Variants in SLC38A10 observed in about 807,000 individuals in gnomAD.
The protein encoded by SLC38A10 is solute carrier family 38 member 10.
SLC38A10 carries 53 observed loss-of-function variants against 81.0 expected under a neutral mutation model. The observed-to-expected ratio is 0.65, with a 90% CI of 0.53 to 0.82. The LOEUF (loss-of-function observed/expected upper bound fraction) is 0.82, where lower values mean the gene tolerates loss of function less well. Ranked by LOEUF, SLC38A10 falls within the 40% of genes least tolerant of loss-of-function variation. The pLI, the probability that SLC38A10 is intolerant of heterozygous loss-of-function variation, is 0.00. For synonymous variants in SLC38A10, 665 were observed against 655.3 expected (o/e 1.01, Z -0.23); for missense variants, 1,471 against 1,545.0 (o/e 0.95, Z 0.80).
chr17:81,259,688 G>A (rs1383766030), intron 11 of SLC38A10, among the ~76,000 whole-genome samples: 4 of 152,076 alleles, frequency 2.6e-5, no homozygotes, highest in South Asian at 2.1e-4. Flanking sequence ...GTTATGGGGC[G>A]CTGCGGCCGG....
At chr17:81,292,466 A>T (rs926993980) in intron 1 of SLC38A10, among the ~76,000 whole-genome samples, 4 of 152,122 alleles carry the variant, frequency 2.6e-5, no homozygotes, top group Admixed American at 1.3e-4. Flanking sequence ...AAACAAAAAA[A>T]AAAACACTAA....
chr17:81,281,569 G>T lies in SLC38A10; in HGVS notation c.501+620C>A, dbSNP rs537067739. Among the ~76,000 whole-genome samples, 1 of 152,272 alleles carries T rather than the reference G, an allele frequency of 6.6e-6. No homozygotes were observed. Among genetic ancestry groups the T allele is most frequent in the African/African-American group, 2.4e-5 (1 of 41,534 alleles). On this transcript the variant is annotated intron_variant, in intron 5 of 15. Coordinates refer to ENST00000374759, the MANE Select transcript of SLC38A10 (RefSeq NM_001037984.3). The surrounding 1 kb of genome is among the most constrained non-coding windows in gnomAD (Gnocchi z 5.3). ...AGGCGGGTGGGTAACAAGGTCAGGA[G>T]TTCGAGACCAGCCTGGCCAAGATGG...
Position 81,276,252 on chromosome 17 carries a change from C to A in SLC38A10, c.730-101G>T. ...ATGGGGGGGACCTGTGCCCTGCCCC[C>A]CAGAATGGCCTTCAATCCACTTCAT... On this transcript the variant is annotated intron_variant, in intron 7 of 15. Coordinates refer to ENST00000374759, the MANE Select transcript of SLC38A10 (RefSeq NM_001037984.3). The surrounding 1 kb of genome is among the most constrained non-coding windows in gnomAD (Gnocchi z 4.7). 9.1e-7 allele frequency: 1 copy of A among 1,104,096 alleles called. No individual in the cohort carries two copies. Among genetic ancestry groups the A allele is most frequent in the Non-Finnish European group, 1.2e-6 (1 of 800,548 alleles). 68.4% of individuals were successfully genotyped at this position (1,104,096 alleles called of 1,614,324 possible).
intron 1 of SLC38A10, among the ~76,000 whole-genome samples, chr17:81,291,178 A>C (rs2063307284): frequency 6.6e-6 from 1 of 151,558 alleles, no homozygotes; most frequent in African/African-American, 2.4e-5. Context: ...TAGACTTAAA[A>C]CTGCTCAAAC....
Position 81,283,031 on chromosome 17 carries a change from G to T in SLC38A10, c.357+378C>A, listed in dbSNP as rs138304056. ...GGCTACCCCAAGGTCCCTGCAAGAAGTGCTGAGTCCACAGCCCCCAGAAGC... is the reference window on the plus strand; with the variant it reads ...GGCTACCCCAAGGTCCCTGCAAGAATTGCTGAGTCCACAGCCCCCAGAAGC... On this transcript the variant is annotated intron_variant, in intron 4 of 15. Transcript: ENST00000374759. This position sits in a 1 kb window ranked among gnomAD's most constrained non-coding sequence, Gnocchi z 4.7. Among the ~76,000 whole-genome samples, 1 of 152,146 alleles carries T rather than the reference G, an allele frequency of 6.6e-6. No homozygotes were observed. The highest frequency in any genetic ancestry group is 1.5e-5 in the Non-Finnish European group (1 of 68,026).
In SLC38A10 at chr17:81,270,039, A is replaced by G. The variant is rs1405085436; in HGVS notation, c.1131+879T>C. Among the ~76,000 whole-genome samples, 1 of 152,218 alleles carries G rather than the reference A, an allele frequency of 6.6e-6. No individual in the cohort carries two copies. Among genetic ancestry groups the G allele is most frequent in the Admixed American group, 6.5e-5 (1 of 15,280 alleles). ...ACTCCATAAAAAGTGAGCAAAGAAC[A>G]CAAGCAGTTCACAGAAAAAGAAACG... On this transcript the variant is annotated intron_variant, in intron 10 of 15. Transcript: ENST00000374759. This position sits in a 1 kb window ranked among gnomAD's most constrained non-coding sequence, Gnocchi z 4.0.
In SLC38A10 at chr17:81,283,646, C is replaced by T; in HGVS notation, c.264-144G>A. On this transcript the variant is annotated intron_variant, in intron 3 of 15. Transcript: ENST00000374759. The surrounding 1 kb of genome is among the most constrained non-coding windows in gnomAD (Gnocchi z 4.7). ...TTTTTTTTTTTGAAACAGAGTCTCA[C>T]TCTGTCGCCCAGGCTGGAGTGCAAT... The T allele has an allele frequency of 1.8e-6, 1 of 548,732 alleles. No homozygotes were observed. 34.0% of individuals were successfully genotyped at this position (548,732 alleles called of 1,614,324 possible).
In SLC38A10 at chr17:81,282,336, C is replaced by A; in HGVS notation, c.358-4G>T. On this transcript the variant is annotated splice_polypyrimidine_tract_variant and splice_region_variant and intron_variant, in intron 4 of 15. Transcript: ENST00000374759. ...ACATGCGGAAGGTGCCGCCCACCTG[C>A]GGGGAGCCGGCAGGGGGTCTTGGCC... 6.2e-7 allele frequency: 1 copy of A among 1,605,620 alleles called. No homozygotes were observed. The highest frequency in any genetic ancestry group is 8.5e-7 in the Non-Finnish European group (1 of 1,176,424).
In SLC38A10 at chr17:81,251,529, G is replaced by A. The variant is rs530966331; in HGVS notation, c.2029C>T (p.Arg677Ter). ...PEPREQRDVE[R>*]AGGNQAASQL... is the part of the protein sequence containing the mutation. ...CTGGCCGCCTGGTTTCCACCCGCTCGCTCCACGTCCCTCTGCTCGCGAGGC... is the reference window on the plus strand; with the variant it reads ...CTGGCCGCCTGGTTTCCACCCGCTCACTCCACGTCCCTCTGCTCGCGAGGC... The change falls in exon 14 of 16, where the codon CGA becomes TGA. Residue 677 changes from arginine to a stop codon, truncating the protein, a stop_gained. Coordinates refer to ENST00000374759, the MANE Select transcript of SLC38A10 (RefSeq NM_001037984.3). LOFTEE classifies it high-confidence loss of function. The A allele has an allele frequency of 2.3e-5, 37 of 1,582,428 alleles. No homozygotes were observed. In the South Asian group the frequency reaches 2.4e-4, roughly 10 times the overall value.
chr17:81,248,246 C>T (rs926599043), intron 14 of SLC38A10, among the ~76,000 whole-genome samples: 2 of 152,186 alleles, frequency 1.3e-5, no homozygotes, highest in Admixed American at 6.5e-5. Context: ...CATGAGCCAC[C>T]GCACCCGGCC....
intron 10 of SLC38A10, among the ~76,000 whole-genome samples, chr17:81,269,563 T>G (rs2063097083): frequency 6.6e-6 from 1 of 151,990 alleles, no homozygotes; most frequent in Non-Finnish European, 1.5e-5. Flanking sequence ...GCAAGATCAT[T>G]CCAGAATGCC....
chr17:81,283,617 C>CTT lies in SLC38A10; in HGVS notation c.264-117_264-116dup, dbSNP rs111438281. On this transcript the variant is annotated intron_variant, in intron 3 of 15. Transcript: ENST00000374759. This position sits in a 1 kb window ranked among gnomAD's most constrained non-coding sequence, Gnocchi z 4.7. ...GAATGACAGATGTGATTTCTTTTTTCTTTTTTTTTTTTTTGAAACAGAGTC... is the reference window on the plus strand; with the variant it reads ...GAATGACAGATGTGATTTCTTTTTTCTTTTTTTTTTTTTTTTGAAACAGAGTC... The CTT allele has an allele frequency of 4.9e-3, 2,508 of 515,708 alleles. No homozygotes were observed. The highest frequency in any genetic ancestry group is 6.4e-3 in the Non-Finnish European group (1,914 of 299,954). 31.9% of individuals were successfully genotyped at this position (515,708 alleles called of 1,614,324 possible). A position where few individuals can be genotyped will look rare whatever the true frequency, so the allele number is the denominator to read the frequency against.
At position 81,253,655 on chromosome 17, in the gene SLC38A10, CCAT is replaced by C. The variant is rs1359315177; in HGVS notation, c.1289-418_1289-416del. Reference sequence around the variant, plus strand: ...TCCATCCCTACCACCATCAACATCACCATCATCACCATCATCTCCATCCCTACC... The same window carrying C: ...TCCATCCCTACCACCATCAACATCACCATCACCATCATCTCCATCCCTACC... On this transcript the variant is annotated intron_variant, in intron 11 of 15. Coordinates refer to ENST00000374759, the MANE Select transcript of SLC38A10 (RefSeq NM_001037984.3). This position sits in a 1 kb window ranked among gnomAD's most constrained non-coding sequence, Gnocchi z 4.1. Among the ~76,000 whole-genome samples, 5 of 146,928 alleles carry C rather than the reference CCAT, an allele frequency of 3.4e-5. No individual in the cohort carries two copies. The highest frequency in any genetic ancestry group is 2.1e-4 in the South Asian group (1 of 4,696).
chr17:81,280,162 T>G (rs1038049376), intron 6 of SLC38A10: 2 of 454,364 alleles, frequency 4.4e-6, no homozygotes, highest in Admixed American at 4.7e-5. Flanking sequence ...TACAGAGCCC[T>G]GCGTGCCAGA....
chr17:81,290,769 A>C (rs995437158), intron 1 of SLC38A10, among the ~76,000 whole-genome samples: 1 of 152,272 alleles, frequency 6.6e-6, no homozygotes, highest in Admixed American at 6.5e-5. Flanking sequence ...GCACTTTGGG[A>C]GGCCGAGGTG....
At chr17:81,260,530 G>A in intron 10 of SLC38A10, 136 bp from the exon 11 acceptor site, 1 of 1,220,366 alleles carries the variant, frequency 8.2e-7, no homozygotes, top group Non-Finnish European at 1.1e-6. Flanking sequence ...GTCCCCCGAG[G>A]ACGGGACAGG....
chr17:81,253,842 CACCACCATCTCCATCCCT>C lies in SLC38A10; in HGVS notation c.1289-620_1289-603del, dbSNP rs2062946690. ...CCATCATCACCATCACCGCTATCAT[CACCACCATCTCCATCCCT>C]ACCACCATCACCATCATCATCACCA... On this transcript the variant is annotated intron_variant, in intron 11 of 15. Transcript: ENST00000374759. This position sits in a 1 kb window ranked among gnomAD's most constrained non-coding sequence, Gnocchi z 4.1. 6.6e-6 allele frequency among the ~76,000 whole-genome samples: 1 copy of C among 151,494 alleles called. No homozygotes were observed. Among genetic ancestry groups the C allele is most frequent in the Non-Finnish European group, 1.5e-5 (1 of 67,892 alleles).
intron 1 of SLC38A10, among the ~76,000 whole-genome samples, chr17:81,293,719 A>G (rs2063327487): frequency 3.3e-5 from 5 of 152,348 alleles, no homozygotes; most frequent in Middle Eastern, 3.4e-3. Flanking sequence ...TATTCCAAAG[A>G]TAATGAATAT....
chr17:81,267,079 CATGCA>C (rs1179573823), intron 10 of SLC38A10, among the ~76,000 whole-genome samples: 1 of 152,134 alleles, frequency 6.6e-6, no homozygotes. Flanking sequence ...ATGCAACTAA[CATGCA>C]ACTAACACAG....
Sources: allele counts gnomAD v4.1 joint callset (sites outside exome capture counted in the v4.1 genomes callset), GRCh38; gene constraint gnomAD v4.1.1; non-coding constraint Gnocchi (gnomAD v3.1); transcripts MANE v1.5; gene names NCBI Gene and HGNC (gene_info 2026-07-23, HGNC 2026-07-21).